The following TTYH3 variants were observed in gnomAD, a reference collection of about 807,000 sequenced individuals.
TTYH3 encodes the protein protein tweety homolog 3.
A neutral mutation model predicts 68.2 loss-of-function variants in TTYH3; 23 were observed. The observed-to-expected ratio is 0.34, with a 90% CI of 0.24 to 0.48. The LOEUF (loss-of-function observed/expected upper bound fraction) is 0.48. Ranked by LOEUF, TTYH3 falls within the 20% of genes least tolerant of loss-of-function variation. TTYH3 has a pLI of 0.99. For synonymous variants in TTYH3, 360 were observed against 332.8 expected (o/e 1.08, Z -0.89); for missense variants, 768 against 727.7 (o/e 1.06, Z -0.64).
Position 2,633,191 on chromosome 7 carries a change from G to A in TTYH3, c.123+913G>A, listed in dbSNP as rs75484189. Among the ~76,000 whole-genome samples the A allele has an allele frequency of 8.9e-3, 1,359 of 152,272 alleles. 15 individuals are homozygous for A. Among genetic ancestry groups the A allele is most frequent in the Non-Finnish European group, 0.016 (1,090 of 67,978 alleles). ...TAGAGATCCGGATTCCAGAAGCCCC[G>A]TGACCAGGGTCCCTGGTCACCCGGA... On this transcript the variant is annotated intron_variant, in intron 1 of 13. Transcript: ENST00000258796.
intron 1 of TTYH3, among the ~76,000 whole-genome samples, chr7:2,638,218 G>A (rs1380986985): frequency 6.6e-6 from 1 of 152,152 alleles, no homozygotes; most frequent in Non-Finnish European, 1.5e-5. Context: ...CCGGTCCCCA[G>A]GCAGCTGGTG....
chr7:2,638,043 G>A (rs1785726818), intron 1 of TTYH3, among the ~76,000 whole-genome samples: 1 of 152,184 alleles, frequency 6.6e-6, no homozygotes. Context: ...CCTGGCCATC[G>A]TGGAAGAGCA....
intron 1 of TTYH3, among the ~76,000 whole-genome samples, chr7:2,636,769 C>A (rs1360059181): frequency 6.7e-6 from 1 of 150,238 alleles, no homozygotes; most frequent in East Asian, 2.0e-4. Context: ...GCCTTTTGGC[C>A]AGGGGGTGTG....
intron 12 of TTYH3, 81 bp from the exon 13 acceptor site, chr7:2,658,859 G>A: frequency 7.3e-7 from 1 of 1,375,486 alleles, no homozygotes; most frequent in Non-Finnish European, 1.0e-6. Flanking sequence ...GGCACAGCGG[G>A]CCTACCCATG....
At chr7:2,639,411 C>A (rs1004640292) in intron 1 of TTYH3, among the ~76,000 whole-genome samples, 23 of 152,228 alleles carry the variant, frequency 1.5e-4, no homozygotes, top group Admixed American at 7.2e-4. Context: ...ACGATGCTCC[C>A]CACAACGGGA....
At position 2,632,110 on chromosome 7, in the gene TTYH3, G is replaced by T; in HGVS notation, c.-46G>T. 12 of 1,288,880 alleles carry T rather than the reference G, an allele frequency of 9.3e-6. No individual in the cohort carries two copies. Among genetic ancestry groups the T allele is most frequent in the Non-Finnish European group, 1.1e-5 (11 of 1,014,464 alleles). The allele number at this position is 1,288,880 out of a possible 1,614,324, so 79.8% of individuals were successfully genotyped here. A position where few individuals can be genotyped will look rare whatever the true frequency, so the allele number is the denominator to read the frequency against. On this transcript the variant is annotated 5_prime_UTR_variant, in exon 1 of 14. Coordinates refer to ENST00000258796, the MANE Select transcript of TTYH3 (RefSeq NM_025250.3). ...AAGCCCGCGCCCCGGGCCAGCAAGG[G>T]AGCCCCGCGCAGGCCGCGCGCATCC...
intron 7 of TTYH3, 120 bp from the exon 8 acceptor site, chr7:2,652,066 TG>T: frequency 1.2e-6 from 1 of 806,174 alleles, no homozygotes; most frequent in Non-Finnish European, 2.1e-6. Flanking sequence ...CAGACACACA[TG>T]CACACATGTA....
intron 1 of TTYH3, among the ~76,000 whole-genome samples, chr7:2,639,021 C>T (rs920231546): frequency 1.2e-4 from 19 of 152,244 alleles, no homozygotes; most frequent in Admixed American, 8.5e-4. Flanking sequence ...TGGCCCAGGA[C>T]ACCTGGGGGG....
rs1786531618 is a variant in TTYH3, at chr7:2,662,903, G to A, written c.*1164G>A. The stretch of plus-strand genomic sequence containing the variant: ...CCACAGACCGACAGGCAGCCCAAGG[G>A]CCTGGACACCCCTCCCCAGGCAGGT... On this transcript the variant is annotated 3_prime_UTR_variant, in exon 14 of 14. Transcript: ENST00000258796. 6.6e-6 allele frequency: 1 copy of A among 152,360 alleles called. No individual in the cohort carries two copies. Among genetic ancestry groups the A allele is most frequent in the African/African-American group, 2.4e-5 (1 of 41,458 alleles). The allele number at this position is 152,360 out of a possible 1,614,324, so 9.4% of individuals were successfully genotyped here.
At chr7:2,661,065 T>TC (rs144609713) in intron 13 of TTYH3, among the ~76,000 whole-genome samples, 1,837 of 22,210 alleles carry the variant, frequency 0.083, 53 homozygotes, top group African/African-American at 0.25. Context: ...CACAGTTGGG[T>TC]CCCCCACGGG....
chr7:2,655,653 A>G (rs1442482103), intron 9 of TTYH3, among the ~76,000 whole-genome samples: 1 of 152,254 alleles, frequency 6.6e-6, no homozygotes, highest in Non-Finnish European at 1.5e-5. Context: ...ACACGGACAC[A>G]TTACAGGACT....
chr7:2,632,402 GC>G, intron 1 of TTYH3, 124 bp downstream of exon 1: 1 of 1,019,152 alleles, frequency 9.8e-7, no homozygotes, highest in Non-Finnish European at 1.3e-6. Context: ...CAGGGTCACG[GC>G]CACCTCCTCC....
intron 4 of TTYH3, 46 bp from the exon 5 acceptor site, chr7:2,647,900 CGCCCCACTCCCAG>C: frequency 6.3e-7 from 1 of 1,578,394 alleles, no homozygotes; most frequent in East Asian, 2.2e-5. Flanking sequence ...GGGCCCCTGG[CGCCCCACTCCCAG>C]GCCCCGGGTC....
chr7:2,656,291 C>T, intron 10 of TTYH3, 107 bp downstream of exon 10: 1 of 1,568,002 alleles, frequency 6.4e-7, no homozygotes, highest in East Asian at 2.3e-5. Flanking sequence ...GTCCTCAGCC[C>T]TGCCTCTGGG....
At position 2,635,753 on chromosome 7, in the gene TTYH3, G is replaced by A. The variant is rs571897755; in HGVS notation, c.123+3475G>A. 2.3e-3 allele frequency among the ~76,000 whole-genome samples: 350 copies of A among 152,348 alleles called. 4 individuals carry two copies. Among genetic ancestry groups the A allele is most frequent in the Middle Eastern group, 0.01 (3 of 294 alleles). On this transcript the variant is annotated intron_variant, in intron 1 of 13. Transcript: ENST00000258796. ...ATCTGCCTTCCAGGGCAGATAGTGG[G>A]CCCTGCCTCAGTTTGCCTAGCATGG...
intron 9 of TTYH3, 97 bp downstream of exon 9, chr7:2,653,107 G>C (rs2114992596): frequency 1.7e-6 from 2 of 1,156,120 alleles, no homozygotes; most frequent in Non-Finnish European, 2.5e-6. Flanking sequence ...GGCAAATTTG[G>C]AGAAGGCACC....
rs1430280391 is a variant in TTYH3 at position 2,648,247 on chromosome 7, G to A, written c.722+193G>A. On this transcript the variant is annotated intron_variant, in intron 5 of 13. Coordinates refer to ENST00000258796, the MANE Select transcript of TTYH3 (RefSeq NM_025250.3). ...CCTGTGGCCTGTGCCCCTGTGGCCAGCATCCCAGCACACTTGCCCCCAGCC... is the reference window on the plus strand; with the variant it reads ...CCTGTGGCCTGTGCCCCTGTGGCCAACATCCCAGCACACTTGCCCCCAGCC... The A allele has an allele frequency of 1.2e-5, 7 of 590,300 alleles. No homozygotes were observed. The Admixed American group carries it at 2.2e-4, about 19-fold the overall frequency. 36.6% of individuals were successfully genotyped at this position (590,300 alleles called of 1,614,324 possible).
Position 2,656,075 on chromosome 7 carries a change from C to T in TTYH3, c.1021-17C>T, listed in dbSNP as rs182101344. ...GTCCAAATGAAGTGCTGACCATCTG[C>T]GGTGCGTGCCCCCCAGGACCCCCTC... is the stretch of plus-strand genomic sequence containing the variant. On this transcript the variant is annotated splice_polypyrimidine_tract_variant and intron_variant, in intron 9 of 13. Coordinates refer to ENST00000258796, the MANE Select transcript of TTYH3 (RefSeq NM_025250.3). The T allele has an allele frequency of 1.7e-4, 265 of 1,524,786 alleles. 1 individual carries two copies. In the East Asian group the frequency reaches 4.8e-3, roughly 28 times the overall value. The allele number at this position is 1,524,786 out of a possible 1,614,324, so 94.5% of individuals were successfully genotyped here. A position where few individuals can be genotyped will look rare whatever the true frequency, so the allele number is the denominator to read the frequency against.
Position 2,652,213 on chromosome 7 carries a change from T to A in TTYH3, c.898T>A (p.Ser300Thr). The change falls in exon 8 of 14, where the codon TCG (serine) becomes ACG (threonine). Residue 300 changes from serine to threonine, a missense_variant. Physicochemically the swap from Ser to Thr is moderately conservative, Grantham distance 58. Coordinates refer to ENST00000258796, the MANE Select transcript of TTYH3 (RefSeq NM_025250.3). The part of the protein sequence containing the change: ...GDILQYYLAC[S>T]PRAANPFQQK... ...CATCCTGCAGTACTACCTGGCCTGC[T>A]CGCCCCGCGCCGCCAACCCCTTCCA... 3 of 1,613,110 alleles carry A rather than the reference T, an allele frequency of 1.9e-6. No individual in the cohort carries two copies. In the South Asian group the frequency reaches 3.3e-5, roughly 18 times the overall value.
Sources: allele counts gnomAD v4.1 joint callset (sites outside exome capture counted in the v4.1 genomes callset), GRCh38; gene constraint gnomAD v4.1.1; transcripts MANE v1.5; gene names NCBI Gene and HGNC (gene_info 2026-07-23, HGNC 2026-07-21).